Variants in FABP9 observed in about 807,000 individuals in gnomAD.
FABP9 encodes fatty acid-binding protein 9.
A neutral mutation model predicts 14.7 loss-of-function variants in FABP9; 11 were observed. The observed-to-expected ratio is 0.75, with a 90% CI of 0.47 to 1.24. The LOEUF (loss-of-function observed/expected upper bound fraction) is 1.24. FABP9 is among the 50% of genes most tolerant of loss of function. The pLI, the probability that FABP9 is intolerant of heterozygous loss-of-function variation, is 0.00. For missense variants in FABP9, 171 were observed against 158.2 expected, an observed-to-expected ratio of 1.08 and a Z score of -0.44; for synonymous variants, 54 against 50.6, an observed-to-expected ratio of 1.07 and a Z score of -0.29.
At chr8:81,461,015 A>T (rs1191661599) in intron 1 of FABP9, among the ~76,000 whole-genome samples, 1 of 152,190 alleles carries the variant, frequency 6.6e-6, no homozygotes, top group Non-Finnish European at 1.5e-5. Context: ...AAATTAACCA[A>T]CTAGAAATTT....
intron 1 of FABP9, among the ~76,000 whole-genome samples, chr8:81,461,040 G>A (rs1192146475): frequency 6.6e-6 from 1 of 152,096 alleles, no homozygotes; most frequent in African/African-American, 2.4e-5. Context: ...AGTTGATACT[G>A]CTGTTTTAAA....
At chr8:81,460,615 T>G (rs1445266200) in intron 1 of FABP9, among the ~76,000 whole-genome samples, 1 of 152,232 alleles carries the variant, frequency 6.6e-6, no homozygotes, top group Non-Finnish European at 1.5e-5. Context: ...GCATTGTTAT[T>G]TCATTGTCTA....
At position 81,459,320 on chromosome 8, in the gene FABP9, G is replaced by A. The variant is rs201301169; in HGVS notation, c.91C>T (p.Arg31Trp). ...MKELGVNFAA[R>W]NMAGLVKPTV... ...GGTTTCACTAACCCTGCCATGTTCC[G>A]GGCTGCGAAATTCACTCCTACAAGA... is the stretch of plus-strand genomic sequence containing the variant. The change falls in exon 2 of 4, where the codon CGG (arginine) becomes TGG (tryptophan). Residue 31 changes from arginine (R) to tryptophan (W), a missense_variant. Coordinates refer to ENST00000379071, the MANE Select transcript of FABP9 (RefSeq NM_001080526.2). 21 of 1,531,382 alleles carry A rather than the reference G, an allele frequency of 1.4e-5. No homozygotes were observed. The Admixed American group carries it at 3.5e-4, about 25-fold the overall frequency. 94.9% of individuals were successfully genotyped at this position (1,531,382 alleles called of 1,614,324 possible).
At chr8:81,461,073 A>G (rs1807684448) in intron 1 of FABP9, among the ~76,000 whole-genome samples, 1 of 152,330 alleles carries the variant, frequency 6.6e-6, no homozygotes, top group African/African-American at 2.4e-5. Context: ...ACCTTGAAAC[A>G]AATTTAATTG....
chr8:81,461,216 G>A (rs1563522849), intron 1 of FABP9, among the ~76,000 whole-genome samples: 1 of 152,072 alleles, frequency 6.6e-6, no homozygotes, highest in Non-Finnish European at 1.5e-5. Flanking sequence ...AGGATAAATG[G>A]GCTTAAATAT....
In FABP9 at chr8:81,459,143, A is replaced by G. The variant is rs771742839; in HGVS notation, c.246+22T>C. The G allele has an allele frequency of 5.8e-6, 9 of 1,561,382 alleles. No homozygotes were observed. In the South Asian group the frequency reaches 7.4e-5, roughly 13 times the overall value. On this transcript the variant is annotated intron_variant, in intron 2 of 3. Transcript: ENST00000379071. ...TCTAACTTTTTCCTGATTGTTGAAC[A>G]CCAGGAAGAATTAGTTCTGACCTTT...
intron 1 of FABP9, 71 bp downstream of exon 1, chr8:81,461,380 T>A (rs115754826): frequency 9.9e-7 from 1 of 1,006,992 alleles, no homozygotes; most frequent in Non-Finnish European, 1.6e-6. Context: ...GGAAAATTCA[T>A]GGTAAAGTAC....
At chr8:81,459,035 T>G in intron 2 of FABP9, 130 bp downstream of exon 2, 1 of 767,882 alleles carries the variant, frequency 1.3e-6, no homozygotes, top group Non-Finnish European at 2.1e-6. Context: ...AGGATTAACT[T>G]TAGAGATGTG....
Position 81,459,212 on chromosome 8 carries a change from G to C in FABP9, c.199C>G (p.Leu67Val). The change falls in exon 2 of 4, where the codon CTG becomes GTG. Residue 67 changes from leucine to valine, a missense_variant. Leu to Val is a conservative substitution (Grantham distance 32). Transcript: ENST00000379071. ...GTAGTTTCATCAAATTCTTCCCCCAGCTTGAAGGAGATCTTAGTGTCCTGG... is the reference window on the plus strand; with the variant it reads ...GTAGTTTCATCAAATTCTTCCCCCACCTTGAAGGAGATCTTAGTGTCCTGG... Reference protein sequence around the residue: ...SFQDTKISFKLGEEFDETTAD... With the variant: ...SFQDTKISFKVGEEFDETTAD... 1 of 1,590,652 alleles carries C rather than the reference G, an allele frequency of 6.3e-7. No homozygotes were observed. The highest frequency in any genetic ancestry group is 8.5e-7 in the Non-Finnish European group (1 of 1,171,748).
intron 1 of FABP9, among the ~76,000 whole-genome samples, chr8:81,460,220 G>C (rs978606118): frequency 6.6e-6 from 1 of 152,120 alleles, no homozygotes; most frequent in Non-Finnish European, 1.5e-5. Context: ...GGCTGATCTC[G>C]AACTCCTGAC....
chr8:81,458,495 T>A, intron 3 of FABP9, 62 bp from the exon 4 acceptor site: 3 of 1,506,936 alleles, frequency 2.0e-6, no homozygotes, highest in Non-Finnish European at 1.8e-6. Context: ...CCCTGCCCCT[T>A]TCTCCTCAGA....
rs1021359936 is a variant in FABP9, at chr8:81,458,449, A to C, written c.349-16T>G. On this transcript the variant is annotated splice_polypyrimidine_tract_variant and intron_variant, in intron 3 of 3. Transcript: ENST00000379071. ...TTTTACATTCCTAAAAGCAAAGAGG[A>C]ATCTATTAGAGCTGGTAGATAACAG... is the stretch of plus-strand genomic sequence containing the variant. 1 of 1,603,384 alleles carries C rather than the reference A, an allele frequency of 6.2e-7. No homozygotes were observed. Among genetic ancestry groups the C allele is most frequent in the East Asian group, 2.2e-5 (1 of 44,780 alleles).
chr8:81,460,674 T>G (rs148264941), intron 1 of FABP9, among the ~76,000 whole-genome samples: 1 of 152,164 alleles, frequency 6.6e-6, no homozygotes, highest in Non-Finnish European at 1.5e-5. Flanking sequence ...AAGCATGTTA[T>G]GTAAGTTAAA....
rs748393215 is a variant in FABP9, at chr8:81,458,714, A to G, written c.247-11T>C. On this transcript the variant is annotated splice_polypyrimidine_tract_variant and intron_variant, in intron 2 of 3. Coordinates refer to ENST00000379071, the MANE Select transcript of FABP9 (RefSeq NM_001080526.2). ...TAATGTTATGGTGCTCTATAAATGCATAAAGAAATCAGAAGTAGCAACTCA... is the reference window on the plus strand; with the variant it reads ...TAATGTTATGGTGCTCTATAAATGCGTAAAGAAATCAGAAGTAGCAACTCA... 6.3e-7 allele frequency: 1 copy of G among 1,592,220 alleles called. No individual in the cohort carries two copies. Among genetic ancestry groups the G allele is most frequent in the South Asian group, 1.1e-5 (1 of 89,932 alleles).
intron 1 of FABP9, among the ~76,000 whole-genome samples, chr8:81,460,620 T>G (rs556066516): frequency 6.6e-6 from 1 of 152,228 alleles, no homozygotes; most frequent in African/African-American, 2.4e-5. Flanking sequence ...GTTATTTCAT[T>G]GTCTAGAATG....
At chr8:81,458,571 A>G (rs938735985) in intron 3 of FABP9, 31 bp downstream of exon 3, 3 of 1,533,970 alleles carry the variant, frequency 2.0e-6, no homozygotes, top group Non-Finnish European at 2.7e-6. Flanking sequence ...AAATAGGAAC[A>G]TATAAAGACT....
chr8:81,461,517 C>T lies in FABP9; in HGVS notation c.7G>A (p.Glu3Lys), dbSNP rs1807694204. 1 of 1,613,126 alleles carries T rather than the reference C, an allele frequency of 6.2e-7. No individual in the cohort carries two copies. The highest frequency in any genetic ancestry group is 1.7e-5 in the Admixed American group (1 of 59,986). ...AGCTTCCAGGTTCCCAAGAAGGGCT[C>T]AACCATCATGGAACACTTGCTGAGA... MVEPFLGTWKLVS... is the reference protein window; with the variant it reads MVKPFLGTWKLVS... The change falls in exon 1 of 4, where the codon GAG becomes AAG. Residue 3 changes from glutamate (E) to lysine (K), a missense_variant. Physicochemically the swap from Glu to Lys is moderately conservative, Grantham distance 56 (BLOSUM62 1). Transcript: ENST00000379071.
intron 1 of FABP9, 126 bp downstream of exon 1, chr8:81,461,325 G>A (rs1807689087): frequency 5.4e-6 from 4 of 734,124 alleles, no homozygotes; most frequent in Admixed American, 4.1e-5. Context: ...AGCATACATT[G>A]TGTTAGTCTA....
chr8:81,459,337 C>T lies in FABP9; in HGVS notation c.74G>A (p.Gly25Glu), dbSNP rs1488160858. 3 of 1,519,500 alleles carry T rather than the reference C, an allele frequency of 2.0e-6. No individual in the cohort carries two copies. Among genetic ancestry groups the T allele is most frequent in the Non-Finnish European group, 2.6e-6 (3 of 1,144,866 alleles). The allele number at this position is 1,519,500 out of a possible 1,614,324, so 94.1% of individuals were successfully genotyped here. A position where few individuals can be genotyped will look rare whatever the true frequency, so the allele number is the denominator to read the frequency against. The change falls in exon 2 of 4, where the codon GGA becomes GAA. Residue 25 changes from glycine (G) to glutamate (E), a missense_variant and splice_region_variant. Transcript: ENST00000379071. ...ENFEDYMKEL[G>E]VNFAARNMAG... ...CATGTTCCGGGCTGCGAAATTCACT[C>T]CTACAAGACAGAGATAGCCTTGGAC...
Sources: allele counts gnomAD v4.1 joint callset (sites outside exome capture counted in the v4.1 genomes callset), GRCh38; gene constraint gnomAD v4.1.1; transcripts MANE v1.5; gene names NCBI Gene and HGNC (gene_info 2026-07-23, HGNC 2026-07-21).